The following BRIP1 variants were observed in gnomAD, a reference collection of about 807,000 sequenced individuals.
BRIP1 encodes the protein Fanconi anemia group J protein.
A neutral mutation model predicts 119.7 loss-of-function variants in BRIP1; 88 were observed. The observed-to-expected ratio is 0.74, with a 90% confidence interval of 0.62 to 0.88. The LOEUF is 0.88. Ranked by LOEUF, BRIP1 falls within the 40% of genes least tolerant of loss-of-function variation. The pLI is 0.00. For missense variants in BRIP1, 1,259 were observed against 1,455.4 expected (o/e 0.87, Z 2.20); for synonymous variants, 443 against 496.5 (o/e 0.89, Z 1.43).
At chr17:61,826,745 A>C (rs1235641407) in intron 6 of BRIP1, among the ~76,000 whole-genome samples, 2 of 150,004 alleles carry the variant, frequency 1.3e-5, no homozygotes, top group African/African-American at 2.4e-5. Context: ...AAAAAAAAAA[A>C]AAAAAAAAAA....
intron 17 of BRIP1, among the ~76,000 whole-genome samples, chr17:61,697,994 C>T (rs980949081): frequency 6.6e-6 from 1 of 151,994 alleles, no homozygotes; most frequent in Non-Finnish European, 1.5e-5. Context: ...TTAGTAGAGA[C>T]GGGGTTTCAC....
Position 61,740,285 on chromosome 17 carries a change from AC to A in BRIP1, c.2379+2727del, listed in dbSNP as rs1210496754. Among the ~76,000 whole-genome samples the A allele has an allele frequency of 6.6e-6, 1 of 152,112 alleles. No individual in the cohort carries two copies. The highest frequency in any genetic ancestry group is 1.5e-5 in the Non-Finnish European group (1 of 68,020). On this transcript the variant is annotated intron_variant, in intron 16 of 19. Transcript: ENST00000259008. This position sits in a 1 kb window ranked among gnomAD's most constrained non-coding sequence, Gnocchi z 5.4. Reference sequence around the variant, plus strand: ...AAAGACCCCAGGATTCCCCGGAGGAACCCATGAGTCTGTGGTTAAAAGACTG... The same window carrying A: ...AAAGACCCCAGGATTCCCCGGAGGAACCATGAGTCTGTGGTTAAAAGACTG...
rs1226493938 is a variant in BRIP1 at position 61,735,752 on chromosome 17, GA to G, written c.2379+7260del. ...AGAGGCCAAGGCTGCAGTGACCCAT[GA>G]CCGCACCACTGCACTCTAGCCTGGG... On this transcript the variant is annotated intron_variant, in intron 16 of 19. Coordinates refer to ENST00000259008, the MANE Select transcript of BRIP1 (RefSeq NM_032043.3). The surrounding 1 kb of genome is among the most constrained non-coding windows in gnomAD (Gnocchi z 4.4). Among the ~76,000 whole-genome samples, 1 of 152,016 alleles carries G rather than the reference GA, an allele frequency of 6.6e-6. No individual in the cohort carries two copies. Among genetic ancestry groups the G allele is most frequent in the African/African-American group, 2.4e-5 (1 of 41,386 alleles).
chr17:61,781,761 A>T (rs909600806), intron 11 of BRIP1, among the ~76,000 whole-genome samples: 1 of 151,634 alleles, frequency 6.6e-6, no homozygotes, highest in Non-Finnish European at 1.5e-5. Context: ...TCTCTACTAA[A>T]AATACAAAAA....
chr17:61,850,391 G>A (rs1049104781), intron 4 of BRIP1, among the ~76,000 whole-genome samples: 4 of 151,882 alleles, frequency 2.6e-5, no homozygotes, highest in African/African-American at 7.3e-5. Context: ...GTGAGCCACC[G>A]TGCCCAGCCA....
chr17:61,686,406 G>T lies in BRIP1; in HGVS notation c.2576-241C>A, dbSNP rs761007489. On this transcript the variant is annotated intron_variant, in intron 18 of 19. Coordinates refer to ENST00000259008, the MANE Select transcript of BRIP1 (RefSeq NM_032043.3). This position sits in a 1 kb window ranked among gnomAD's most constrained non-coding sequence, Gnocchi z 5.4. Reference sequence around the variant, plus strand: ...AAATGGAGAGAGCAAAGAGGCAGTAGAAGTAGGGCAGAGATGGGAAAACAT... The same window carrying T: ...AAATGGAGAGAGCAAAGAGGCAGTATAAGTAGGGCAGAGATGGGAAAACAT... Among the ~76,000 whole-genome samples the T allele has an allele frequency of 4.3e-4, 65 of 152,130 alleles. No individual in the cohort carries two copies. The highest frequency in any genetic ancestry group is 8.8e-4 in the Non-Finnish European group (60 of 68,020).
rs2077901115 is a variant in BRIP1 at position 61,796,468 on chromosome 17, T to C, written c.1340+2632A>G. On this transcript the variant is annotated intron_variant, in intron 9 of 19. Transcript: ENST00000259008. This position sits in a 1 kb window ranked among gnomAD's most constrained non-coding sequence, Gnocchi z 4.8. ...ATAGGGGTCTTGTTTTATTCTCCTG[T>C]AGATGGATATCCAGTTTTCCCGGCA... Among the ~76,000 whole-genome samples, 1 of 152,058 alleles carries C rather than the reference T, an allele frequency of 6.6e-6. No homozygotes were observed. The highest frequency in any genetic ancestry group is 2.4e-5 in the African/African-American group (1 of 41,440).
rs916288504 is a variant in BRIP1 at position 61,861,728 on chromosome 17, G to C, written c.-30-159C>G. ...TAATTTCCTAGTCTTATAAATCACAGCGGTCAAGAGCATGTCTTAGAGTCT... is the reference window on the plus strand; with the variant it reads ...TAATTTCCTAGTCTTATAAATCACACCGGTCAAGAGCATGTCTTAGAGTCT... On this transcript the variant is annotated intron_variant, in intron 1 of 19. Transcript: ENST00000259008. The surrounding 1 kb of genome is among the most constrained non-coding windows in gnomAD (Gnocchi z 4.5). Among the ~76,000 whole-genome samples the C allele has an allele frequency of 6.6e-6, 1 of 152,136 alleles. No homozygotes were observed. The highest frequency in any genetic ancestry group is 2.4e-5 in the African/African-American group (1 of 41,440).
At chr17:61,741,755 C>T (rs908523279) in intron 16 of BRIP1, among the ~76,000 whole-genome samples, 4 of 152,194 alleles carry the variant, frequency 2.6e-5, no homozygotes, top group South Asian at 2.1e-4. Context: ...GATGTGCTGT[C>T]GTGCAGGCTT....
In BRIP1 at chr17:61,780,418, T is replaced by C. The variant is rs1567812766; in HGVS notation, c.1795-17A>G. The C allele has an allele frequency of 6.3e-7, 1 of 1,598,506 alleles. No individual in the cohort carries two copies. The highest frequency in any genetic ancestry group is 2.2e-5 in the East Asian group (1 of 44,746). On this transcript the variant is annotated splice_polypyrimidine_tract_variant and intron_variant, in intron 12 of 19. Coordinates refer to ENST00000259008, the MANE Select transcript of BRIP1 (RefSeq NM_032043.3). The surrounding 1 kb of genome is among the most constrained non-coding windows in gnomAD (Gnocchi z 5.4). The stretch of plus-strand genomic sequence containing the variant: ...TGAAAAGGCCTAAAAGAAAACAACA[T>C]TAGATAAATAAAATTATCTTTAGAA...
rs1419695637 is a variant in BRIP1 at position 61,724,707 on chromosome 17, T to A, written c.2380-8644A>T. On this transcript the variant is annotated intron_variant, in intron 16 of 19. Transcript: ENST00000259008. This position sits in a 1 kb window ranked among gnomAD's most constrained non-coding sequence, Gnocchi z 5.1. Reference sequence around the variant, plus strand: ...AAGAATATAATTTTTTTCTTGTATGTAAGCTTGAAGACAAAAGTTCAAGCC... The same window carrying A: ...AAGAATATAATTTTTTTCTTGTATGAAAGCTTGAAGACAAAAGTTCAAGCC... 6.6e-6 allele frequency among the ~76,000 whole-genome samples: 1 copy of A among 152,216 alleles called. No individual in the cohort carries two copies. Among genetic ancestry groups the A allele is most frequent in the Non-Finnish European group, 1.5e-5 (1 of 68,014 alleles).
At chr17:61,833,364 G>A (rs1216996781) in intron 6 of BRIP1, among the ~76,000 whole-genome samples, 2 of 152,008 alleles carry the variant, frequency 1.3e-5, no homozygotes, top group African/African-American at 4.8e-5. Flanking sequence ...TTTTCTCCAA[G>A]CTCTCAAAAA....
At chr17:61,801,610 C>A in intron 7 of BRIP1, 136 bp from the exon 8 acceptor site, 1 of 805,834 alleles carries the variant, frequency 1.2e-6, no homozygotes, top group South Asian at 1.6e-5. Flanking sequence ...CCACACCTGG[C>A]TAATTTTTTG....
chr17:61,732,955 A>C (rs1243511641), intron 16 of BRIP1, among the ~76,000 whole-genome samples: 1 of 152,184 alleles, frequency 6.6e-6, no homozygotes, highest in African/African-American at 2.4e-5. Context: ...TGGGCTCCCA[A>C]AGTGCTGGGA....
In BRIP1 at chr17:61,679,668, C is replaced by G. The variant is rs2061250507; in HGVS notation, c.*3628G>C. Among the ~76,000 whole-genome samples, 1 of 152,154 alleles carries G rather than the reference C, an allele frequency of 6.6e-6. No homozygotes were observed. The highest frequency in any genetic ancestry group is 1.5e-5 in the Non-Finnish European group (1 of 68,012). On this transcript the variant is annotated 3_prime_UTR_variant, in exon 20 of 20. Transcript: ENST00000259008. The surrounding 1 kb of genome is among the most constrained non-coding windows in gnomAD (Gnocchi z 4.4). ...ATATATCTATAGTTAGGGAAGCTTTCATATAGAGCAAGGGTGCACTCCAGA... is the reference window on the plus strand; with the variant it reads ...ATATATCTATAGTTAGGGAAGCTTTGATATAGAGCAAGGGTGCACTCCAGA...
Position 61,846,884 on chromosome 17 carries a change from G to T in BRIP1, c.627+217C>A, listed in dbSNP as rs1052048854. 5.9e-5 allele frequency among the ~76,000 whole-genome samples: 9 copies of T among 152,116 alleles called. No individual in the cohort carries two copies. Among genetic ancestry groups the T allele is most frequent in the Non-Finnish European group, 1.3e-4 (9 of 68,024 alleles). On this transcript the variant is annotated intron_variant, in intron 6 of 19. Transcript: ENST00000259008. The surrounding 1 kb of genome is among the most constrained non-coding windows in gnomAD (Gnocchi z 4.3). Reference sequence around the variant, plus strand: ...AAAATGACTTTCAGATCTCTCTCTAGTCCAATTCTCTTATTTTATAAATAA... The same window carrying T: ...AAAATGACTTTCAGATCTCTCTCTATTCCAATTCTCTTATTTTATAAATAA...
Position 61,859,702 on chromosome 17 carries a change from C to A in BRIP1, c.205+94G>T, listed in dbSNP as rs914094439. The A allele has an allele frequency of 4.9e-6, 4 of 812,026 alleles. No individual in the cohort carries two copies. In the African/African-American group the frequency reaches 5.1e-5, roughly 10 times the overall value. 50.3% of individuals were successfully genotyped at this position (812,026 alleles called of 1,614,324 possible). ...ATCTTTAAACAAATATTTAAGTTAG[C>A]GACAGCATGGCTGAACCAGTCTGGA... On this transcript the variant is annotated intron_variant, in intron 3 of 19. Transcript: ENST00000259008.
At chr17:61,696,420 C>T (rs1025677160) in intron 17 of BRIP1, among the ~76,000 whole-genome samples, 14 of 151,976 alleles carry the variant, frequency 9.2e-5, no homozygotes, top group Admixed American at 3.9e-4. Flanking sequence ...ATCTTCTTTT[C>T]TCGTAATGTA....
At chr17:61,837,143 C>G (rs901359026) in intron 6 of BRIP1, among the ~76,000 whole-genome samples, 1 of 152,160 alleles carries the variant, frequency 6.6e-6, no homozygotes, top group Non-Finnish European at 1.5e-5. Flanking sequence ...TAAGCATCAA[C>G]TCACATGAAC....
Sources: allele counts gnomAD v4.1 joint callset (sites outside exome capture counted in the v4.1 genomes callset), GRCh38; gene constraint gnomAD v4.1.1; non-coding constraint Gnocchi (gnomAD v3.1); transcripts MANE v1.5; gene names NCBI Gene and HGNC (gene_info 2026-07-23, HGNC 2026-07-21).